Variants in IQCJ observed in about 807,000 individuals in gnomAD.
IQCJ encodes the protein IQ domain-containing protein J.
IQCJ carries 9 observed loss-of-function variants against 11.0 expected under a neutral mutation model. The observed-to-expected ratio is 0.82, with a 90% CI of 0.49 to 1.43. The LOEUF (loss-of-function observed/expected upper bound fraction) is 1.43, where lower values mean the gene tolerates loss of function less well. Among genes scored for constraint, IQCJ ranks in the 40% most tolerant of loss-of-function variants. The probability of loss-of-function intolerance (pLI) is 0.00; values close to 1 mark genes in which losing one functional copy is unlikely to be tolerated. For synonymous variants in IQCJ, 55 were observed against 51.3 expected (o/e 1.07, Z -0.31); for missense variants, 146 against 133.2 (o/e 1.10, Z -0.47).
chr3:159,182,998 G>A (rs997918979), intron 1 of IQCJ, among the ~76,000 whole-genome samples: 2 of 152,070 alleles, frequency 1.3e-5, no homozygotes, highest in African/African-American at 4.8e-5. Flanking sequence ...CTTAGTAGTA[G>A]CAATGGAGGT....
At chr3:159,144,729 G>C (rs546187438) in intron 1 of IQCJ, among the ~76,000 whole-genome samples, 1 of 152,060 alleles carries the variant, frequency 6.6e-6, no homozygotes, top group East Asian at 1.9e-4. Flanking sequence ...GTAACATAGA[G>C]AGTTGTAAGA....
At chr3:159,257,700 A>C (rs558726160) in intron 3 of IQCJ, among the ~76,000 whole-genome samples, 1 of 152,346 alleles carries the variant, frequency 6.6e-6, no homozygotes, top group South Asian at 2.1e-4. Context: ...CAAATGATGC[A>C]AATATGATAT....
intron 1 of IQCJ, among the ~76,000 whole-genome samples, chr3:159,072,557 T>C (rs1324540242): frequency 6.6e-6 from 1 of 152,096 alleles, no homozygotes; most frequent in Non-Finnish European, 1.5e-5. Flanking sequence ...CTGTGGAAAA[T>C]TATTTGATTA....
At chr3:159,168,247 A>G (rs1393168722) in intron 1 of IQCJ, among the ~76,000 whole-genome samples, 2 of 152,140 alleles carry the variant, frequency 1.3e-5, no homozygotes, top group East Asian at 1.9e-4. Flanking sequence ...AGGCCCTAGA[A>G]AAGGACTAGG....
At position 159,131,733 on chromosome 3, in the gene IQCJ, AATT is replaced by A. The variant is rs1720003958; in HGVS notation, c.9+62299_9+62301del. ...TCTGTTCCCTTGAACCAGCTGAGCT[AATT>A]ATTATTCCTGCCAAGATCCCAACTG... On this transcript the variant is annotated intron_variant, in intron 1 of 3. Coordinates refer to ENST00000397832, the MANE Select transcript of IQCJ (RefSeq NM_001042706.3). Among the ~76,000 whole-genome samples the A allele has an allele frequency of 2.0e-5, 3 of 152,152 alleles. No homozygotes were observed. The South Asian group carries it at 6.2e-4, about 32-fold the overall frequency.
chr3:159,126,505 A>T lies in IQCJ; in HGVS notation c.9+57064A>T, dbSNP rs548202461. Among the ~76,000 whole-genome samples, 8 of 152,340 alleles carry T rather than the reference A, an allele frequency of 5.3e-5. No homozygotes were observed. The East Asian group carries it at 1.5e-3, about 29-fold the overall frequency. ...AACATGACCGTGTCCCCACAAGACCACAAACTTCTTGAAGGAACAGGCTAT... is the reference window on the plus strand; with the variant it reads ...AACATGACCGTGTCCCCACAAGACCTCAAACTTCTTGAAGGAACAGGCTAT... On this transcript the variant is annotated intron_variant, in intron 1 of 3. Coordinates refer to ENST00000397832, the MANE Select transcript of IQCJ (RefSeq NM_001042706.3).
Position 159,069,364 on chromosome 3 carries a change from C to T in IQCJ, c.-69C>T. On this transcript the variant is annotated 5_prime_UTR_variant, in exon 1 of 4. Coordinates refer to ENST00000397832, the MANE Select transcript of IQCJ (RefSeq NM_001042706.3). ...CACAGTCACATTGCGCTCTGTGATT[C>T]TGAGGAATACAGTGTGCCAGCATCC... 3.2e-6 allele frequency: 5 copies of T among 1,563,834 alleles called. No homozygotes were observed. In the South Asian group the frequency reaches 6.1e-5, roughly 19 times the overall value.
chr3:159,142,883 G>C (rs1010884183), intron 1 of IQCJ, among the ~76,000 whole-genome samples: 4 of 152,152 alleles, frequency 2.6e-5, no homozygotes, highest in Non-Finnish European at 5.9e-5. Context: ...CAGCCTGAGA[G>C]GGTGCTATAA....
intron 1 of IQCJ, among the ~76,000 whole-genome samples, chr3:159,073,866 A>G (rs915181610): frequency 6.6e-6 from 1 of 152,280 alleles, no homozygotes; most frequent in Admixed American, 6.5e-5. Flanking sequence ...CAATGCTTAT[A>G]TGTAAGGAAC....
intron 1 of IQCJ, among the ~76,000 whole-genome samples, chr3:159,137,510 A>T (rs1720365344): frequency 6.6e-6 from 1 of 152,188 alleles, no homozygotes; most frequent in African/African-American, 2.4e-5. Context: ...TTTTTGTCAG[A>T]TTCATCATAA....
At chr3:159,160,423 C>T (rs113326536) in intron 1 of IQCJ, among the ~76,000 whole-genome samples, 2,744 of 152,160 alleles carry the variant, frequency 0.018, 39 homozygotes, top group Non-Finnish European at 0.03. Flanking sequence ...CTGCCTCAAC[C>T]TCCTGAGTAG....
intron 1 of IQCJ, among the ~76,000 whole-genome samples, chr3:159,221,059 G>A (rs1725508531): frequency 6.6e-6 from 1 of 152,156 alleles, no homozygotes; most frequent in Non-Finnish European, 1.5e-5. Context: ...AGGCAGCAGA[G>A]ATCAGGTAAT....
intron 1 of IQCJ, among the ~76,000 whole-genome samples, chr3:159,074,306 T>TA (rs1162303290): frequency 2.6e-5 from 4 of 151,762 alleles, no homozygotes. Flanking sequence ...ATGTAAAAAA[T>TA]AAAAAAGACA....
At chr3:159,089,538 C>A (rs534120326) in intron 1 of IQCJ, among the ~76,000 whole-genome samples, 13 of 151,926 alleles carry the variant, frequency 8.6e-5, no homozygotes, top group Admixed American at 3.9e-4. Context: ...TCCATTCTCC[C>A]CGTCACTTTC....
At chr3:159,142,157 A>T (rs7619294) in intron 1 of IQCJ, among the ~76,000 whole-genome samples, 3,151 of 152,278 alleles carry the variant, frequency 0.021, 84 homozygotes, top group African/African-American at 0.072. Flanking sequence ...GAAATGGAGC[A>T]TAAATATCTG....
At chr3:159,092,826 G>A (rs1717429319) in intron 1 of IQCJ, among the ~76,000 whole-genome samples, 1 of 150,398 alleles carries the variant, frequency 6.6e-6, no homozygotes, top group Non-Finnish European at 1.5e-5. Context: ...ATAGTATATT[G>A]TGTCATGTAA....
chr3:159,082,945 C>A (rs909681374), intron 1 of IQCJ, among the ~76,000 whole-genome samples: 2 of 152,010 alleles, frequency 1.3e-5, no homozygotes, highest in African/African-American at 2.4e-5. Flanking sequence ...CGACCACATG[C>A]CTTATACAAA....
At chr3:159,247,885 A>C (rs573827479) in intron 2 of IQCJ, among the ~76,000 whole-genome samples, 2 of 152,296 alleles carry the variant, frequency 1.3e-5, no homozygotes, top group South Asian at 4.1e-4. Flanking sequence ...TTTGCTTCTG[A>C]GGCCTTTTCT....
At position 159,249,935 on chromosome 3, in the gene IQCJ, C is replaced by T. The variant is rs150370923; in HGVS notation, c.75-2792C>T. Among the ~76,000 whole-genome samples, 116 of 100,810 alleles carry T rather than the reference C, an allele frequency of 1.2e-3. 1 individual carries two copies. The highest frequency in any genetic ancestry group is 3.7e-3 in the African/African-American group (108 of 29,544). 66.1% of individuals were successfully genotyped at this position (100,810 alleles called of 152,430 possible). A position where few individuals can be genotyped will look rare whatever the true frequency, so the allele number is the denominator to read the frequency against. On this transcript the variant is annotated intron_variant, in intron 2 of 3. Coordinates refer to ENST00000397832, the MANE Select transcript of IQCJ (RefSeq NM_001042706.3). ...CACACACACACACACACGAGCTTAG[C>T]GAAGCTTGGCATGTGCCAATAAACA...
Sources: gnomAD v4.1 joint callset for allele counts (sites outside exome capture counted in the v4.1 genomes callset) on GRCh38, gnomAD v4.1.1 for gene constraint, MANE v1.5 for transcripts, NCBI Gene and HGNC (gene_info 2026-07-23, HGNC 2026-07-21) for gene names.